LHFPL4: variants seen among roughly 807,000 people sequenced by gnomAD.
LHFPL4 encodes the protein LHFPL tetraspan subfamily member 4, also known as LHFPL tetraspan subfamily member 4 protein.
LHFPL4 carries 6 observed loss-of-function variants against 20.0 expected under a neutral mutation model. That is an observed-to-expected ratio of 0.30 (90% CI 0.16 to 0.59). The LOEUF (loss-of-function observed/expected upper bound fraction) is 0.59, where lower values mean the gene tolerates loss of function less well. LHFPL4 is among the 20% of genes least tolerant of loss of function. The pLI, the probability that LHFPL4 is intolerant of heterozygous loss-of-function variation, is 0.88. For synonymous variants in LHFPL4, 129 were observed against 143.8 expected, an observed-to-expected ratio of 0.90 and a Z score of 0.74; for missense variants, 215 against 331.2, an observed-to-expected ratio of 0.65 and a Z score of 2.72.
chr3:9,553,368 T>G (rs1443442101), intron 1 of LHFPL4, among the ~76,000 whole-genome samples: 13 of 100,060 alleles, frequency 1.3e-4, no homozygotes, highest in African/African-American at 4.3e-4. Context: ...TAGAGCGGGA[T>G]CGGGGGCTGG....
intron 2 of LHFPL4, among the ~76,000 whole-genome samples, chr3:9,508,992 C>T (rs2046239183): frequency 6.6e-6 from 1 of 152,212 alleles, no homozygotes; most frequent in Admixed American, 6.5e-5. Context: ...GCGGGTCCTG[C>T]AGTAGTCGGT....
At chr3:9,553,506 A>G (rs915375312) in intron 1 of LHFPL4, among the ~76,000 whole-genome samples, 179 bp downstream of exon 1, 7 of 147,568 alleles carry the variant, frequency 4.7e-5, no homozygotes, top group Admixed American at 1.4e-4. Context: ...AAGGAACGAA[A>G]GACCGGGGCC....
In LHFPL4 at chr3:9,501,007, T is replaced by C. The variant is rs2046168560; in HGVS notation, c.*1204A>G. 6.5e-6 allele frequency: 1 copy of C among 152,860 alleles called. No individual in the cohort carries two copies. Among genetic ancestry groups the C allele is most frequent in the Non-Finnish European group, 1.5e-5 (1 of 68,450 alleles). The allele number at this position is 152,860 out of a possible 1,614,324, so 9.5% of individuals were successfully genotyped here. On this transcript the variant is annotated 3_prime_UTR_variant, in exon 4 of 4. Transcript: ENST00000287585. Reference sequence around the variant, plus strand: ...CACACACATTTCACCCACATACACATACACTCATGCCTCGGCTCCAAGCAC... The same window carrying C: ...CACACACATTTCACCCACATACACACACACTCATGCCTCGGCTCCAAGCAC...
At chr3:9,510,230 C>T (rs1291936499) in intron 2 of LHFPL4, among the ~76,000 whole-genome samples, 1 of 151,990 alleles carries the variant, frequency 6.6e-6, no homozygotes, top group Non-Finnish European at 1.5e-5. Context: ...GTGGGAGGAT[C>T]ACTTGAGGCC....
intron 2 of LHFPL4, among the ~76,000 whole-genome samples, chr3:9,508,548 T>C (rs2046236183): frequency 6.6e-6 from 1 of 152,210 alleles, no homozygotes; most frequent in South Asian, 2.1e-4. Flanking sequence ...ATCTGGGGAC[T>C]CTGGGCACTT....
chr3:9,530,025 G>C lies in LHFPL4; in HGVS notation c.406+22249C>G, dbSNP rs1046062513. Among the ~76,000 whole-genome samples, 5 of 143,158 alleles carry C rather than the reference G, an allele frequency of 3.5e-5. No individual in the cohort carries two copies. In the South Asian group the frequency reaches 6.5e-4, roughly 19 times the overall value. The allele number at this position is 143,158 out of a possible 152,430, so 93.9% of individuals were successfully genotyped here. Reference sequence around the variant, plus strand: ...TGTAAACACATGTGCTGTCATTCAGGCTTTTTCCATTTATAGAGCATAGGT... The same window carrying C: ...TGTAAACACATGTGCTGTCATTCAGCCTTTTTCCATTTATAGAGCATAGGT... On this transcript the variant is annotated intron_variant, in intron 2 of 3. Transcript: ENST00000287585.
intron 2 of LHFPL4, among the ~76,000 whole-genome samples, chr3:9,547,415 G>A (rs2046522413): frequency 6.6e-6 from 1 of 152,172 alleles, no homozygotes; most frequent in Non-Finnish European, 1.5e-5. Context: ...GGGCCCACAG[G>A]TAACATTTAG....
At chr3:9,532,580 C>T (rs1002055937) in intron 2 of LHFPL4, among the ~76,000 whole-genome samples, 2 of 152,140 alleles carry the variant, frequency 1.3e-5, no homozygotes, top group Admixed American at 6.6e-5. Context: ...CTCAAGCCTC[C>T]CTCCTTGGCC....
intron 3 of LHFPL4, among the ~76,000 whole-genome samples, chr3:9,502,721 C>T (rs1245951865): frequency 1.3e-5 from 2 of 151,022 alleles, no homozygotes; most frequent in Non-Finnish European, 3.0e-5. Context: ...AAAAAAAGGT[C>T]AGAGGGGCAG....
intron 2 of LHFPL4, among the ~76,000 whole-genome samples, chr3:9,520,279 G>T (rs2046329362): frequency 6.6e-6 from 1 of 152,076 alleles, no homozygotes; most frequent in South Asian, 2.1e-4. Context: ...AACATAGTGT[G>T]ACTCCATCAC....
At chr3:9,531,620 G>A (rs535370920) in intron 2 of LHFPL4, among the ~76,000 whole-genome samples, 2 of 152,142 alleles carry the variant, frequency 1.3e-5, no homozygotes, top group Non-Finnish European at 2.9e-5. Context: ...TGGCCAACGT[G>A]GTGAAACCCC....
At chr3:9,522,419 T>A (rs2046344022) in intron 2 of LHFPL4, among the ~76,000 whole-genome samples, 1 of 152,132 alleles carries the variant, frequency 6.6e-6, no homozygotes, top group Admixed American at 6.5e-5. Context: ...TTAAACAAAC[T>A]GTTATCTGTT....
Position 9,500,983 on chromosome 3 carries a change from A to G in LHFPL4, c.*1228T>C, listed in dbSNP as rs184584422. 2.5e-3 allele frequency: 389 copies of G among 153,136 alleles called. 2 individuals carry two copies. Among genetic ancestry groups the G allele is most frequent in the Non-Finnish European group, 4.1e-3 (278 of 68,534 alleles). The allele number at this position is 153,136 out of a possible 1,614,324, so 9.5% of individuals were successfully genotyped here. On this transcript the variant is annotated 3_prime_UTR_variant, in exon 4 of 4. Coordinates refer to ENST00000287585, the MANE Select transcript of LHFPL4 (RefSeq NM_198560.3). ...CACGCTCACACGCGCACACACACGCACACACATTTCACCCACATACACATA... is the reference window on the plus strand; with the variant it reads ...CACGCTCACACGCGCACACACACGCGCACACATTTCACCCACATACACATA...
Position 9,502,136 on chromosome 3 carries a change from T to C in LHFPL4, c.*75A>G. On this transcript the variant is annotated 3_prime_UTR_variant, in exon 4 of 4. Coordinates refer to ENST00000287585, the MANE Select transcript of LHFPL4 (RefSeq NM_198560.3). ...GAGATCAGGGTCTTCCCTCAGAGCT[T>C]GAATGGAGTGACGAGAGGGCAGAAG... is the stretch of plus-strand genomic sequence containing the variant. 9.5e-7 allele frequency: 1 copy of C among 1,054,670 alleles called. No homozygotes were observed. Among genetic ancestry groups the C allele is most frequent in the Non-Finnish European group, 1.5e-6 (1 of 678,540 alleles). 65.3% of individuals were successfully genotyped at this position (1,054,670 alleles called of 1,614,324 possible). A position where few individuals can be genotyped will look rare whatever the true frequency, so the allele number is the denominator to read the frequency against.
chr3:9,502,386 C>T, intron 3 of LHFPL4, 75 bp from the exon 4 acceptor site: 4 of 1,110,478 alleles, frequency 3.6e-6, no homozygotes, highest in South Asian at 1.3e-5. Context: ...TCAGGCTTTC[C>T]TTGCACATTC....
intron 2 of LHFPL4, among the ~76,000 whole-genome samples, chr3:9,546,354 T>G (rs1231104190): frequency 2.0e-5 from 3 of 150,126 alleles, no homozygotes; most frequent in Admixed American, 2.0e-4. Context: ...AACACACAAC[T>G]GGAAGGCTGA....
At position 9,506,220 on chromosome 3, in the gene LHFPL4, C is replaced by A; in HGVS notation, c.407-17G>T. On this transcript the variant is annotated splice_polypyrimidine_tract_variant and intron_variant, in intron 2 of 3. Coordinates refer to ENST00000287585, the MANE Select transcript of LHFPL4 (RefSeq NM_198560.3). The surrounding 1 kb of genome is among the most constrained non-coding windows in gnomAD (Gnocchi z 4.5). The stretch of plus-strand genomic sequence containing the variant: ...GGCACAGAGCTGAGGGGCAGAGCAC[C>A]GGGCCCACCACCACGGTCAGGAAGG... 1.3e-6 allele frequency: 2 copies of A among 1,589,262 alleles called. No homozygotes were observed. The highest frequency in any genetic ancestry group is 1.7e-6 in the Non-Finnish European group (2 of 1,157,448).
At position 9,502,154 on chromosome 3, in the gene LHFPL4, G is replaced by T; in HGVS notation, c.*57C>A. ...CAGAGCTTGAATGGAGTGACGAGAG[G>T]GCAGAAGGCAGGACAAGCTGAGGTC... On this transcript the variant is annotated 3_prime_UTR_variant, in exon 4 of 4. Coordinates refer to ENST00000287585, the MANE Select transcript of LHFPL4 (RefSeq NM_198560.3). The T allele has an allele frequency of 8.0e-7, 1 of 1,244,466 alleles. No homozygotes were observed. The highest frequency in any genetic ancestry group is 1.2e-6 in the Non-Finnish European group (1 of 845,562). 77.1% of individuals were successfully genotyped at this position (1,244,466 alleles called of 1,614,324 possible).
intron 2 of LHFPL4, among the ~76,000 whole-genome samples, chr3:9,541,148 T>A (rs1574853676): frequency 6.6e-6 from 1 of 151,860 alleles, no homozygotes; most frequent in East Asian, 2.0e-4. Context: ...TTCACCATGT[T>A]GGTTAGGCTG....
Sources: gnomAD v4.1 joint callset for allele counts (sites outside exome capture counted in the v4.1 genomes callset) on GRCh38, gnomAD v4.1.1 for gene constraint, Gnocchi (gnomAD v3.1) non-coding constraint, MANE v1.5 for transcripts, NCBI Gene and HGNC (gene_info 2026-07-23, HGNC 2026-07-21) for gene names.